The following ALOX5AP variants were observed in gnomAD, a reference collection of about 807,000 sequenced individuals.
ALOX5AP encodes arachidonate 5-lipoxygenase activating protein.
A neutral mutation model predicts 18.5 loss-of-function variants in ALOX5AP; 9 were observed. The ratio of observed to expected loss-of-function variants is 0.49; its 90% CI spans 0.29 to 0.85. ALOX5AP has a LOEUF of 0.85. ALOX5AP is among the 40% of genes least tolerant of loss of function. The pLI, the probability that ALOX5AP is intolerant of heterozygous loss-of-function variation, is 0.08. For missense variants in ALOX5AP, 172 were observed against 202.5 expected (o/e 0.85, Z 0.91); for synonymous variants, 81 against 78.6 (o/e 1.03, Z -0.16).
Position 30,764,093 on chromosome 13 carries a change from T to C in ALOX5AP, c.473T>C (p.Leu158Pro). 3 of 1,614,016 alleles carry C rather than the reference T, an allele frequency of 1.9e-6. No homozygotes were observed. Among genetic ancestry groups the C allele is most frequent in the Non-Finnish European group, 2.5e-6 (3 of 1,179,938 alleles). The stretch of plus-strand genomic sequence containing the variant: ...ATCTCCACCACCATCTCCCCTCTAC[T>C]TCTCATTCCCTAACTCTCTGCTGAA... ...KTISTTISPL[L>P]LIP Residue 158 changes from leucine to proline, a missense_variant, in exon 5 of 5, where the codon CTT (leucine) becomes CCT (proline). Leu to Pro is a moderately conservative substitution (Grantham distance 98). Transcript: ENST00000380490.
At chr13:30,734,379 AGAT>A (rs1951704489), upstream of ALOX5AP, among the ~76,000 whole-genome samples, 2 of 152,210 alleles carry the variant, frequency 1.3e-5, no homozygotes, top group Non-Finnish European at 2.9e-5. Flanking sequence ...TTCCGTGCCG[AGAT>A]GCAGCCCTCC....
At chr13:30,736,676 G>A (rs1951724488) in intron 1 of ALOX5AP, among the ~76,000 whole-genome samples, 1 of 152,204 alleles carries the variant, frequency 6.6e-6, no homozygotes, top group South Asian at 2.1e-4. Context: ...TGGGCACAGA[G>A]CAAGCCTCCC....
At chr13:30,752,248 G>A in intron 3 of ALOX5AP, 126 bp downstream of exon 3, 1 of 943,390 alleles carries the variant, frequency 1.1e-6, no homozygotes, top group Non-Finnish European at 1.6e-6. Context: ...GCCCTGGAGA[G>A]GTGAGAGCCC....
At chr13:30,756,540 G>A (rs752654444) in intron 4 of ALOX5AP, among the ~76,000 whole-genome samples, 7 of 152,138 alleles carry the variant, frequency 4.6e-5, no homozygotes, top group Admixed American at 6.5e-5. Flanking sequence ...AGGGTGCAGC[G>A]GCTCACGCCT....
At chr13:30,751,671 T>C (rs1460310947) in intron 2 of ALOX5AP, among the ~76,000 whole-genome samples, 1 of 152,206 alleles carries the variant, frequency 6.6e-6, no homozygotes, top group Non-Finnish European at 1.5e-5. Flanking sequence ...TTAGTTGGGC[T>C]CTTCTCCCCG....
At chr13:30,734,568 G>C (rs115109982), upstream of ALOX5AP, among the ~76,000 whole-genome samples, 1 of 152,166 alleles carries the variant, frequency 6.6e-6, no homozygotes, top group Non-Finnish European at 1.5e-5. Flanking sequence ...AGAATACCAG[G>C]CAGCCACCTC....
At chr13:30,716,319 G>T (rs1308591604) in intron 1 of ALOX5AP, among the ~76,000 whole-genome samples, 1 of 152,142 alleles carries the variant, frequency 6.6e-6, no homozygotes, top group African/African-American at 2.4e-5. Context: ...TGGGCATGAG[G>T]ATAATTAAAA....
chr13:30,723,242 A>G (rs1193881897), intron 1 of ALOX5AP, among the ~76,000 whole-genome samples: 1 of 152,258 alleles, frequency 6.6e-6, no homozygotes, highest in Admixed American at 6.5e-5. Flanking sequence ...CAAGAAGCAG[A>G]AAATACAGAG....
chr13:30,713,876 G>T, intron 1 of ALOX5AP: 1 of 1,528,120 alleles, frequency 6.5e-7, no homozygotes, highest in Non-Finnish European at 8.8e-7. Flanking sequence ...GCGCATGTGT[G>T]TGCATCTTCT....
intron 1 of ALOX5AP, chr13:30,713,919 G>GGGCC (rs1388736409): frequency 1.4e-5 from 21 of 1,472,592 alleles, no homozygotes; most frequent in Non-Finnish European, 1.8e-5. Context: ...CCTGGGCCCA[G>GGGCC]GGCCATGTTC....
chr13:30,755,643 AT>A (rs1280861286), intron 3 of ALOX5AP, among the ~76,000 whole-genome samples: 4 of 152,188 alleles, frequency 2.6e-5, no homozygotes, highest in Admixed American at 6.5e-5. Flanking sequence ...TGCAAAAAAA[AT>A]CTCATATTTT....
intron 1 of ALOX5AP, among the ~76,000 whole-genome samples, chr13:30,730,288 GA>G (rs1214690709): frequency 6.6e-6 from 1 of 152,184 alleles, no homozygotes; most frequent in Non-Finnish European, 1.5e-5. Flanking sequence ...GCTGTTCATG[GA>G]AGGAAAGCCC....
intron 2 of ALOX5AP, among the ~76,000 whole-genome samples, chr13:30,750,541 C>T (rs940399543): frequency 4.6e-5 from 7 of 152,262 alleles, no homozygotes; most frequent in Middle Eastern, 3.4e-3. Context: ...GTGTGAATCC[C>T]GGCTTTGCCA....
chr13:30,763,280 C>G (rs1450697943), intron 4 of ALOX5AP, among the ~76,000 whole-genome samples: 1 of 152,210 alleles, frequency 6.6e-6, no homozygotes, highest in Non-Finnish European at 1.5e-5. Flanking sequence ...TGCACTCCAG[C>G]TTGGGCTACA....
intron 1 of ALOX5AP, among the ~76,000 whole-genome samples, chr13:30,726,489 C>A (rs1340822166): frequency 2.0e-5 from 3 of 152,100 alleles, no homozygotes; most frequent in African/African-American, 7.2e-5. Context: ...CCATCTATGT[C>A]CATCTATATT....
intron 1 of ALOX5AP, among the ~76,000 whole-genome samples, chr13:30,720,251 T>C (rs61198625): frequency 0.015 from 2,257 of 152,358 alleles, 57 homozygotes; most frequent in African/African-American, 0.049. Context: ...TGTCGGATGC[T>C]ATGGATTACT....
At chr13:30,744,189 G>T in intron 2 of ALOX5AP, 30 bp downstream of exon 2, 1 of 1,599,730 alleles carries the variant, frequency 6.3e-7, no homozygotes, top group Non-Finnish European at 8.6e-7. Context: ...TTGCTAATAA[G>T]TGGGGGCATG....
upstream of ALOX5AP, among the ~76,000 whole-genome samples, chr13:30,731,608 A>G (rs1441477706): frequency 2.0e-5 from 3 of 152,168 alleles, no homozygotes; most frequent in Non-Finnish European, 4.4e-5. Flanking sequence ...GACTCAAGCC[A>G]TCCTCTAGCC....
chr13:30,748,290 A>G (rs1362039522), intron 2 of ALOX5AP, among the ~76,000 whole-genome samples: 1 of 152,212 alleles, frequency 6.6e-6, no homozygotes, highest in Non-Finnish European at 1.5e-5. Flanking sequence ...GATCCTGTCA[A>G]TTAGTATTGA....
Sources: gnomAD v4.1 joint callset for allele counts (sites outside exome capture counted in the v4.1 genomes callset) on GRCh38, gnomAD v4.1.1 for gene constraint, MANE v1.5 for transcripts, NCBI Gene and HGNC (gene_info 2026-07-23, HGNC 2026-07-21) for gene names.